ROBO2: variants seen among roughly 807,000 people sequenced by gnomAD.
ROBO2 encodes the protein roundabout guidance receptor 2.
ROBO2 carries 53 observed loss-of-function variants against 160.8 expected under a neutral mutation model. The observed-to-expected ratio is 0.33, with a 90% CI of 0.26 to 0.41. The LOEUF is 0.41. Ranked by LOEUF, ROBO2 falls within the 10% of genes least tolerant of loss-of-function variation. The pLI is 1.00. For synonymous variants in ROBO2, 664 were observed against 611.7 expected, an observed-to-expected ratio of 1.09 and a Z score of -1.26; for missense variants, 1,577 against 1,722.4, an observed-to-expected ratio of 0.92 and a Z score of 1.49.
intron 2 of ROBO2, among the ~76,000 whole-genome samples, chr3:76,914,142 G>A (rs2076169246): frequency 6.6e-6 from 1 of 152,138 alleles, no homozygotes. Flanking sequence ...ATCTTGTACT[G>A]GGAGTTAGTA....
chr3:77,091,980 A>AAAGT (rs1553766235), intron 1 of ROBO2: 7 of 143,714 alleles, frequency 4.9e-5, no homozygotes, highest in African/African-American at 1.8e-4. Context: ...TCTCTGACTC[A>AAAGT]AAATAAATAA....
intron 2 of ROBO2, among the ~76,000 whole-genome samples, chr3:76,951,003 C>T (rs1242018056): frequency 6.6e-6 from 1 of 152,210 alleles, no homozygotes; most frequent in Non-Finnish European, 1.5e-5. Flanking sequence ...GCTGGAATTA[C>T]AGGCGTGAGC....
chr3:77,499,212 T>A (rs2087198139), intron 5 of ROBO2, among the ~76,000 whole-genome samples: 1 of 152,218 alleles, frequency 6.6e-6, no homozygotes, highest in Non-Finnish European at 1.5e-5. Flanking sequence ...ACTGCCGTTT[T>A]CTGGAAATGA....
At chr3:77,146,371 C>T (rs2077121476) in intron 2 of ROBO2, among the ~76,000 whole-genome samples, 1 of 152,036 alleles carries the variant, frequency 6.6e-6, no homozygotes, top group Admixed American at 6.6e-5. Context: ...AACTGGGAAG[C>T]CTGGTAACGT....
intron 2 of ROBO2, among the ~76,000 whole-genome samples, chr3:76,846,246 C>T (rs970873416): frequency 3.3e-5 from 5 of 152,104 alleles, no homozygotes; most frequent in African/African-American, 1.2e-4. Flanking sequence ...ATTAACAAAG[C>T]AGTTATTCCT....
intron 2 of ROBO2, among the ~76,000 whole-genome samples, chr3:76,696,365 A>G (rs1335767479): frequency 1.4e-5 from 2 of 139,784 alleles, no homozygotes; most frequent in African/African-American, 5.5e-5. Flanking sequence ...AAATAAATAC[A>G]ATTTTAAATG....
At chr3:76,882,199 G>A (rs148099252) in intron 2 of ROBO2, among the ~76,000 whole-genome samples, 67 of 151,930 alleles carry the variant, frequency 4.4e-4, no homozygotes, top group African/African-American at 1.4e-3. Context: ...TTGATTTGGT[G>A]GTTGTAGGTT....
At chr3:76,070,558 A>G (rs1205098077) in intron 2 of ROBO2, among the ~76,000 whole-genome samples, 2 of 152,134 alleles carry the variant, frequency 1.3e-5, no homozygotes, top group African/African-American at 2.4e-5. Flanking sequence ...TGGTCCTGTG[A>G]TCTCACCCTG....
chr3:76,861,762 T>C (rs1297366374), intron 2 of ROBO2, among the ~76,000 whole-genome samples: 1 of 152,200 alleles, frequency 6.6e-6, no homozygotes, highest in Non-Finnish European at 1.5e-5. Flanking sequence ...ACATGATTTT[T>C]AATTCATGTC....
chr3:76,877,056 A>G (rs1353224882), intron 2 of ROBO2, among the ~76,000 whole-genome samples: 1 of 152,216 alleles, frequency 6.6e-6, no homozygotes, highest in Admixed American at 6.5e-5. Flanking sequence ...TACATTTTCC[A>G]TAAGAGTAAA....
intron 2 of ROBO2, among the ~76,000 whole-genome samples, chr3:77,436,275 C>T (rs1045074571): frequency 5.3e-5 from 8 of 151,450 alleles, no homozygotes; most frequent in Non-Finnish European, 1.2e-4. Context: ...GAGATTTCCT[C>T]CCTGTCGAAT....
chr3:77,128,315 C>G (rs563019612), intron 2 of ROBO2, among the ~76,000 whole-genome samples: 1 of 152,228 alleles, frequency 6.6e-6, no homozygotes, highest in African/African-American at 2.4e-5. Flanking sequence ...TCTAGGGGCG[C>G]TATCCTCTCA....
At chr3:77,626,124 A>T (rs2095018881) in intron 23 of ROBO2, among the ~76,000 whole-genome samples, 1 of 152,196 alleles carries the variant, frequency 6.6e-6, no homozygotes, top group African/African-American at 2.4e-5. Context: ...GGAAAATAAT[A>T]TGCTGGTTTG....
intron 2 of ROBO2, among the ~76,000 whole-genome samples, chr3:77,234,209 C>G (rs931371645): frequency 1.3e-5 from 2 of 152,158 alleles, no homozygotes; most frequent in Admixed American, 6.5e-5. Flanking sequence ...AGAAGAGCAA[C>G]AGTTCATATT....
chr3:77,366,152 C>A (rs1370569271), intron 2 of ROBO2, among the ~76,000 whole-genome samples: 1 of 152,120 alleles, frequency 6.6e-6, no homozygotes, highest in Non-Finnish European at 1.5e-5. Flanking sequence ...CTCATCCATG[C>A]ATGGATCTTT....
At chr3:76,956,587 C>T (rs112999680) in intron 2 of ROBO2, among the ~76,000 whole-genome samples, 2,251 of 149,754 alleles carry the variant, frequency 0.015, 53 homozygotes, top group Middle Eastern at 0.054. Flanking sequence ...AGAAGCTAAT[C>T]TGGTGCATCA....
chr3:76,634,394 C>T (rs905215375), intron 2 of ROBO2, among the ~76,000 whole-genome samples: 5 of 152,014 alleles, frequency 3.3e-5, no homozygotes, highest in Non-Finnish European at 7.4e-5. Flanking sequence ...ATGGTGAAAC[C>T]CCGTCTCTAC....
intron 2 of ROBO2, among the ~76,000 whole-genome samples, chr3:76,903,527 A>G (rs2075376637): frequency 6.6e-6 from 1 of 152,048 alleles, no homozygotes; most frequent in Non-Finnish European, 1.5e-5. Context: ...CCTGAAATTG[A>G]AGGAAAGAAA....
intron 3 of ROBO2, 106 bp downstream of exon 3, chr3:77,477,677 T>A (rs2084184365): frequency 1.7e-6 from 2 of 1,174,352 alleles, no homozygotes; most frequent in Non-Finnish European, 1.2e-6. Context: ...TGTATTTGAA[T>A]GTTAATTACA....
Sources: gnomAD v4.1 joint callset for allele counts (sites outside exome capture counted in the v4.1 genomes callset) on GRCh38, gnomAD v4.1.1 for gene constraint, MANE v1.5 for transcripts, NCBI Gene and HGNC (gene_info 2026-07-23, HGNC 2026-07-21) for gene names.